The following LRP1B variants were observed in gnomAD, a reference collection of about 807,000 sequenced individuals.
The protein encoded by LRP1B is LDL receptor related protein 1B.
LRP1B carries 217 observed loss-of-function variants against 556.6 expected under a neutral mutation model. The observed-to-expected ratio is 0.39, with a 90% CI of 0.35 to 0.44. The LOEUF (loss-of-function observed/expected upper bound fraction) is 0.44, where lower values mean the gene tolerates loss of function less well. LRP1B is among the 20% of genes least tolerant of loss of function. The probability of loss-of-function intolerance (pLI) is 1.00; values close to 1 mark genes in which losing one functional copy is unlikely to be tolerated. For synonymous variants in LRP1B, 2,047 were observed against 1,865.8 expected (o/e 1.10, Z -2.50); for missense variants, 5,053 against 5,620.8 (o/e 0.90, Z 3.23).
intron 19 of LRP1B, 73 bp from the exon 20 acceptor site, chr2:140,950,475 T>A (rs1695681372): frequency 8.1e-7 from 1 of 1,234,410 alleles, no homozygotes. Flanking sequence ...AATATCTAAC[T>A]GGTTTCTGTT....
chr2:140,335,840 TACAAGGAA>T lies in LRP1B; in HGVS notation c.11893-10_11893-3del, dbSNP rs748699291. 1.9e-6 allele frequency: 3 copies of T among 1,592,114 alleles called. No individual in the cohort carries two copies. The South Asian group carries it at 3.3e-5, about 18-fold the overall frequency. ...CCTGGGCCTTTTAAATTCAGGACAC[TACAAGGAA>T]ACAAAACAACACACCACGGTATTTT... On this transcript the variant is annotated splice_region_variant and splice_polypyrimidine_tract_variant and intron_variant, in intron 77 of 90. Coordinates refer to ENST00000389484, the MANE Select transcript of LRP1B (RefSeq NM_018557.3).
In LRP1B at chr2:141,395,090, G is replaced by T. The variant is rs1179957200; in HGVS notation, c.343+85306C>A. The stretch of plus-strand genomic sequence containing the variant: ...TGAAAATGTCCTACCACCTAGTAAT[G>T]TCATAGCTGTTGTAACCTCATTTTA... On this transcript the variant is annotated intron_variant, in intron 3 of 90. Transcript: ENST00000389484. Among the ~76,000 whole-genome samples, 5 of 152,116 alleles carry T rather than the reference G, an allele frequency of 3.3e-5. No homozygotes were observed. In the South Asian group the frequency reaches 8.3e-4, roughly 25 times the overall value.
At chr2:140,510,485 C>A (rs1689605456) in intron 51 of LRP1B, among the ~76,000 whole-genome samples, 1 of 152,114 alleles carries the variant, frequency 6.6e-6, no homozygotes, top group Non-Finnish European at 1.5e-5. Context: ...TAAGCCCAAC[C>A]CATAGAACTA....
At chr2:141,266,234 G>A (rs1684882505) in intron 3 of LRP1B, among the ~76,000 whole-genome samples, 1 of 149,570 alleles carries the variant, frequency 6.7e-6, no homozygotes, top group South Asian at 2.1e-4. Flanking sequence ...TGAGACAGAA[G>A]AATGGCGTGA....
At chr2:140,472,907 A>G (rs1687828005) in intron 60 of LRP1B, among the ~76,000 whole-genome samples, 1 of 152,020 alleles carries the variant, frequency 6.6e-6, no homozygotes, top group South Asian at 2.1e-4. Context: ...GTTAGCTCAG[A>G]TTTCAGTTTT....
At chr2:141,804,588 A>G (rs1558886831) in intron 2 of LRP1B, among the ~76,000 whole-genome samples, 1 of 152,062 alleles carries the variant, frequency 6.6e-6, no homozygotes, top group Non-Finnish European at 1.5e-5. Flanking sequence ...TAGGGAACAG[A>G]ACTGACTTTC....
chr2:140,233,778 TAAAAAC>T (rs1389821366), intron 90 of LRP1B, among the ~76,000 whole-genome samples: 1 of 151,348 alleles, frequency 6.6e-6, no homozygotes, highest in Non-Finnish European at 1.5e-5. Context: ...AACATGAACT[TAAAAAC>T]AAGTAAACAA....
At chr2:141,692,727 G>A (rs1375339135) in intron 2 of LRP1B, among the ~76,000 whole-genome samples, 3 of 151,948 alleles carry the variant, frequency 2.0e-5, no homozygotes, top group Non-Finnish European at 2.9e-5. Flanking sequence ...CATAGATGGT[G>A]CAGCCTACTA....
At chr2:141,575,308 A>C (rs1407954820) in intron 2 of LRP1B, among the ~76,000 whole-genome samples, 1 of 152,162 alleles carries the variant, frequency 6.6e-6, no homozygotes, top group Non-Finnish European at 1.5e-5. Context: ...ATAATGCCAC[A>C]CATCTGTAAC....
At chr2:140,950,140 A>G in intron 20 of LRP1B, 95 bp downstream of exon 20, 1 of 940,080 alleles carries the variant, frequency 1.1e-6, no homozygotes, top group Non-Finnish European at 1.5e-6. Flanking sequence ...CTAATAAGCA[A>G]TTTCTTTTTA....
rs867376290 is a variant in LRP1B, at chr2:141,772,102, G to A, written c.205+38177C>T. On this transcript the variant is annotated intron_variant, in intron 2 of 90. Coordinates refer to ENST00000389484, the MANE Select transcript of LRP1B (RefSeq NM_018557.3). ...AAGTGCTGGGATTACCACCATGCCC[G>A]GCCGATGATCTCTCTTTCTACCATG... 1.2e-4 allele frequency among the ~76,000 whole-genome samples: 19 copies of A among 152,042 alleles called. No homozygotes were observed. In the Middle Eastern group the frequency reaches 0.01, roughly 82 times the overall value.
At chr2:142,099,095 G>A (rs11691595) in intron 1 of LRP1B, among the ~76,000 whole-genome samples, 101,913 of 151,578 alleles carry the variant, frequency 0.67, 34,404 homozygotes, top group East Asian at 0.71. Context: ...AAATGAGAAT[G>A]GCACAAGTTG....
At chr2:140,638,721 G>A (rs1004671246) in intron 41 of LRP1B, among the ~76,000 whole-genome samples, 8 of 151,692 alleles carry the variant, frequency 5.3e-5, no homozygotes, top group Non-Finnish European at 1.0e-4. Flanking sequence ...TACAAGGCAT[G>A]GGTAAATGAT....
intron 1 of LRP1B, among the ~76,000 whole-genome samples, chr2:141,957,579 C>A (rs1701292583): frequency 6.6e-6 from 1 of 151,930 alleles, no homozygotes; most frequent in South Asian, 2.1e-4. Context: ...ACTTGACAGA[C>A]ACATTTTGTG....
chr2:141,082,159 A>C (rs1200738083), intron 7 of LRP1B, among the ~76,000 whole-genome samples: 1 of 152,232 alleles, frequency 6.6e-6, no homozygotes, highest in Non-Finnish European at 1.5e-5. Context: ...AAATAATTGA[A>C]AAGAAATAGC....
chr2:140,945,443 A>T (rs1457801651), intron 20 of LRP1B, among the ~76,000 whole-genome samples: 2 of 152,184 alleles, frequency 1.3e-5, no homozygotes, highest in African/African-American at 4.8e-5. Flanking sequence ...GCATCAGATT[A>T]TCCAACTTCA....
intron 15 of LRP1B, among the ~76,000 whole-genome samples, chr2:140,994,632 C>G (rs924114222): frequency 1.3e-5 from 2 of 151,490 alleles, no homozygotes; most frequent in African/African-American, 4.9e-5. Flanking sequence ...ACCACATACA[C>G]TAAAGAGTGA....
chr2:140,683,826 G>A (rs758170078), intron 41 of LRP1B: 21 of 670,024 alleles, frequency 3.1e-5, no homozygotes, highest in Non-Finnish European at 5.0e-5. Flanking sequence ...CCTTCCATGC[G>A]CTAGGCAGCA....
At chr2:140,676,629 G>A (rs2105369376) in intron 41 of LRP1B, among the ~76,000 whole-genome samples, 1 of 152,248 alleles carries the variant, frequency 6.6e-6, no homozygotes, top group South Asian at 2.1e-4. Flanking sequence ...TTAAGAACAG[G>A]AGGAGAAATT....
Sources: gnomAD v4.1 joint callset for allele counts (sites outside exome capture counted in the v4.1 genomes callset) on GRCh38, gnomAD v4.1.1 for gene constraint, MANE v1.5 for transcripts, NCBI Gene and HGNC (gene_info 2026-07-23, HGNC 2026-07-21) for gene names.